MGAM: variants seen among roughly 807,000 people sequenced by gnomAD.
MGAM encodes the protein alpha-1,4-glucosidase.
A neutral mutation model predicts 358.8 loss-of-function variants in MGAM; 253 were observed. The ratio of observed to expected loss-of-function variants is 0.71; its 90% CI spans 0.64 to 0.78. MGAM has a LOEUF of 0.78. Among genes scored for constraint, MGAM ranks in the 30% least tolerant of loss-of-function variants. The pLI, the probability that MGAM is intolerant of heterozygous loss-of-function variation, is 0.00. For synonymous variants in MGAM, 1,105 were observed against 1,227.1 expected (o/e 0.90, Z 2.08); for missense variants, 3,080 against 3,432.6 (o/e 0.90, Z 2.57).
rs1815129062 is a variant in MGAM, at chr7:142,089,127, A to AGCTTC, written c.6810+2410_6810+2411insGCTTC. On this transcript the variant is annotated intron_variant, in intron 57 of 70. Transcript: ENST00000475668. ...TTAGTGGTCCAAGCAGCCCACATGG[A>AGCTTC]CACAGGAACCTGCCCAGCCAGAGAA... 4.1e-5 allele frequency among the ~76,000 whole-genome samples: 6 copies of AGCTTC among 145,968 alleles called. 1 individual carries two copies. The highest frequency in any genetic ancestry group is 7.7e-5 in the Non-Finnish European group (5 of 64,558).
chr7:142,042,449 A>ATAC (rs1487962213), intron 21 of MGAM, among the ~76,000 whole-genome samples: 1 of 21,934 alleles, frequency 4.6e-5, no homozygotes, highest in African/African-American at 1.5e-4. Context: ...TATAATATAT[A>ATAC]ATATAACATA....
chr7:142,049,872 A>G (rs1810771391), intron 22 of MGAM, among the ~76,000 whole-genome samples: 1 of 152,232 alleles, frequency 6.6e-6, no homozygotes, highest in African/African-American at 2.4e-5. Flanking sequence ...TACAACCGTT[A>G]TGGAAAATAG....
At chr7:142,038,403 A>C in intron 18 of MGAM, 128 bp from the exon 19 acceptor site, 1 of 670,240 alleles carries the variant, frequency 1.5e-6, no homozygotes, top group Non-Finnish European at 2.6e-6. Context: ...TAGGTGTCAC[A>C]GAATAATTTG....
At position 142,055,169 on chromosome 7, in the gene MGAM, C is replaced by G. The variant is rs567064019; in HGVS notation, c.3314+261C>G. On this transcript the variant is annotated intron_variant, in intron 27 of 70. Transcript: ENST00000475668. ...TCTAGATTAGGTGCTGCTCCTTATA[C>G]ACAGCTGAGGTTTCTCTTCTCATGA... Among the ~76,000 whole-genome samples the G allele has an allele frequency of 9.2e-5, 14 of 152,282 alleles. No individual in the cohort carries two copies. In the South Asian group the frequency reaches 1.0e-3, roughly 11 times the overall value.
At chr7:142,067,638 G>A (rs4072660) in intron 42 of MGAM, among the ~76,000 whole-genome samples, 57,249 of 140,316 alleles carry the variant, frequency 0.41, 15,239 homozygotes, top group Middle Eastern at 0.56. Context: ...ATTCTGGTTC[G>A]TAGGATGATC....
At position 142,022,579 on chromosome 7, in the gene MGAM, C is replaced by T. The variant is rs576766193; in HGVS notation, c.882+140C>T. ...CTTTGAATTCTAGTCTTGCTATTCA[C>T]CAGTTACGTGGTTCTGGGTGTTACC... On this transcript the variant is annotated intron_variant, in intron 7 of 70. Transcript: ENST00000475668. 1.7e-4 allele frequency: 153 copies of T among 892,632 alleles called. No homozygotes were observed. In the African/African-American group the frequency reaches 2.2e-3, roughly 13 times the overall value. The allele number at this position is 892,632 out of a possible 1,614,324, so 55.3% of individuals were successfully genotyped here. A position where few individuals can be genotyped will look rare whatever the true frequency, so the allele number is the denominator to read the frequency against.
chr7:141,992,953 C>G (rs782044743), upstream of MGAM, among the ~76,000 whole-genome samples: 1 of 152,156 alleles, frequency 6.6e-6, no homozygotes, highest in African/African-American at 2.4e-5. Context: ...GCTGTAAATT[C>G]TTTGATTCTA....
chr7:142,094,415 A>G lies in MGAM; in HGVS notation c.7224A>G (p.Thr2408=). 1 of 1,535,138 alleles carries G rather than the reference A, an allele frequency of 6.5e-7. No individual in the cohort carries two copies. The highest frequency in any genetic ancestry group is 8.9e-7 in the Non-Finnish European group (1 of 1,122,162). The change falls in exon 61 of 71, where the codon ACA becomes ACG. Residue 2408 remains threonine, a synonymous_variant. Coordinates refer to ENST00000475668, the MANE Select transcript of MGAM (RefSeq NM_001365693.1). ...GQRGVVITRS[T]FPSSGRWAGH... ...GAGGGGTCGTCATCACCCGCTCCACATTTCCCTCTTCTGGCCGCTGGGCAG... is the reference window on the plus strand; with the variant it reads ...GAGGGGTCGTCATCACCCGCTCCACGTTTCCCTCTTCTGGCCGCTGGGCAG...
chr7:142,068,613 G>A (rs1337058450), intron 42 of MGAM, 34 bp from the exon 43 acceptor site: 1 of 1,447,642 alleles, frequency 6.9e-7, no homozygotes, highest in Non-Finnish European at 9.6e-7. Flanking sequence ...GGAAAATGGT[G>A]GCACTGCCTC....
chr7:142,021,732 T>A lies in MGAM; in HGVS notation c.705T>A (p.Arg235=). 1 of 1,613,812 alleles carries A rather than the reference T, an allele frequency of 6.2e-7. No homozygotes were observed. The highest frequency in any genetic ancestry group is 8.5e-7 in the Non-Finnish European group (1 of 1,179,772). The change falls in exon 6 of 71, where the codon CGT becomes CGA. Residue 235 remains arginine, a synonymous_variant. Coordinates refer to ENST00000475668, the MANE Select transcript of MGAM (RefSeq NM_001365693.1). Reference sequence around the variant, plus strand: ...AAGTGACCAGAAGAAGCAACAATCGTGTTTTGTAAGTTTTGGAAACCTATC... The same window carrying A: ...AAGTGACCAGAAGAAGCAACAATCGAGTTTTGTAAGTTTTGGAAACCTATC... ...SIKVTRRSNN[R]VLFDSSIGPL...
In MGAM at chr7:142,052,944, TG is replaced by T; in HGVS notation, c.3121del (p.Asp1041MetfsTer28). 3.1e-6 allele frequency: 5 copies of T among 1,613,898 alleles called. No individual in the cohort carries two copies. The highest frequency in any genetic ancestry group is 4.2e-6 in the Non-Finnish European group (5 of 1,179,838). ...FPSTPVNPLR[L>X]DVTYHKNEML... ...TCCACACCCGTGAACCCCCTTCGCC[TG>T]GATGTCACTTACCATAAGAATGAAA... On this transcript the variant is annotated frameshift_variant, in exon 26 of 71. Coordinates refer to ENST00000475668, the MANE Select transcript of MGAM (RefSeq NM_001365693.1). LOFTEE classifies it high-confidence loss of function.
Position 142,022,323 on chromosome 7 carries a change from A to G in MGAM, c.766A>G (p.Thr256Ala). ...TGCTGACCAGTTCTTGCAGCTCTCCACTCGACTGCCTAGCACTAACGTGTA... is the reference window on the plus strand; with the variant it reads ...TGCTGACCAGTTCTTGCAGCTCTCCGCTCGACTGCCTAGCACTAACGTGTA... ...LFADQFLQLS[T>A]RLPSTNVYGL... Residue 256 changes from threonine to alanine, a missense_variant, in exon 7 of 71, where the codon ACT becomes GCT. Thr to Ala is a moderately conservative substitution (Grantham distance 58). This residue lies in a region of MGAM where 1,816 missense variants were observed against 1,840.5 expected (regional missense o/e 0.99). Transcript: ENST00000475668. 6.2e-7 allele frequency: 1 copy of G among 1,613,190 alleles called. No individual in the cohort carries two copies. Among genetic ancestry groups the G allele is most frequent in the Non-Finnish European group, 8.5e-7 (1 of 1,179,424 alleles).
In MGAM at chr7:142,068,703, G is replaced by A. The variant is rs115913274; in HGVS notation, c.5061G>A (p.Thr1687=). 2.5e-3 allele frequency: 3,808 copies of A among 1,516,486 alleles called. 220 individuals carry two copies. In the African/African-American group the frequency reaches 0.045, roughly 18 times the overall value. The allele number at this position is 1,516,486 out of a possible 1,614,324, so 93.9% of individuals were successfully genotyped here. Residue 1687 remains threonine, a splice_region_variant and synonymous_variant, in exon 43 of 71, where the codon ACG becomes ACA. Coordinates refer to ENST00000475668, the MANE Select transcript of MGAM (RefSeq NM_001365693.1). ...GAGCCCGTTGGTACGATTACTACAC[G>A]GTAAGTTTTTCTGAATGTTTATATA... ...FPRARWYDYY[T]GVDINARGEW... is the part of the protein sequence containing the mutation.
At chr7:142,092,785 A>G (rs2129059646) in intron 59 of MGAM, among the ~76,000 whole-genome samples, 177 bp downstream of exon 59, 1 of 147,010 alleles carries the variant, frequency 6.8e-6, no homozygotes, top group African/African-American at 2.4e-5. Flanking sequence ...GGCATGTGCA[A>G]GTGACTAGAC....
At chr7:142,002,795 T>G (rs938370568) in intron 1 of MGAM, among the ~76,000 whole-genome samples, 1 of 151,986 alleles carries the variant, frequency 6.6e-6, no homozygotes, top group African/African-American at 2.4e-5. Flanking sequence ...TCAAATTACC[T>G]CTGTTCACTG....
chr7:142,020,945 A>G (rs556718012), intron 4 of MGAM, 29 bp from the exon 5 acceptor site: 2 of 1,508,746 alleles, frequency 1.3e-6, no homozygotes, highest in South Asian at 1.1e-5. Context: ...AGAGTCAACT[A>G]TGAAAACCTT....
chr7:142,048,105 A>G (rs1342936062), intron 22 of MGAM, among the ~76,000 whole-genome samples: 2 of 150,968 alleles, frequency 1.3e-5, no homozygotes, highest in Admixed American at 6.6e-5. Flanking sequence ...AGTGATATCT[A>G]TAATAGGCTT....
intron 21 of MGAM, among the ~76,000 whole-genome samples, chr7:142,046,047 CATACAATATGTA>C (rs1563160266): frequency 1.5e-5 from 2 of 131,926 alleles, no homozygotes; most frequent in African/African-American, 5.9e-5. Flanking sequence ...ATTATATATA[CATACAATATGTA>C]ATATAATATA....
intron 21 of MGAM, among the ~76,000 whole-genome samples, chr7:142,044,359 G>A (rs1454778177): frequency 7.9e-6 from 1 of 127,304 alleles, no homozygotes; most frequent in African/African-American, 2.8e-5. Flanking sequence ...ATACACATAC[G>A]ATATATGATA....
Sources: allele counts gnomAD v4.1 joint callset (sites outside exome capture counted in the v4.1 genomes callset), GRCh38; gene constraint gnomAD v4.1.1; regional missense constraint gnomAD v4.1.1; transcripts MANE v1.5; gene names NCBI Gene and HGNC (gene_info 2026-07-23, HGNC 2026-07-21).